CENPP: variants seen among roughly 807,000 people sequenced by gnomAD.
The protein encoded by CENPP is centromere protein P.
CENPP carries 24 observed loss-of-function variants against 35.6 expected under a neutral mutation model. The ratio of observed to expected loss-of-function variants is 0.67; its 90% CI spans 0.49 to 0.95. The LOEUF is 0.95. Ranked by LOEUF, CENPP falls within the 40% of genes least tolerant of loss-of-function variation. The pLI, the probability that CENPP is intolerant of heterozygous loss-of-function variation, is 0.00. For missense variants in CENPP, 332 were observed against 345.3 expected, an observed-to-expected ratio of 0.96 and a Z score of 0.31; for synonymous variants, 120 against 125.5, an observed-to-expected ratio of 0.96 and a Z score of 0.29.
At chr9:92,464,662 G>T (rs967937565) in intron 5 of CENPP, 11 of 589,364 alleles carry the variant, frequency 1.9e-5, no homozygotes, top group Non-Finnish European at 3.5e-5. Flanking sequence ...TAAATGTCAG[G>T]AAAGAGAAGG....
intron 5 of CENPP, among the ~76,000 whole-genome samples, chr9:92,514,274 C>CTTTTTTTTTTTTT (rs1044226766): frequency 1.5e-5 from 2 of 130,748 alleles, no homozygotes; most frequent in African/African-American, 5.6e-5. Context: ...GAGTCATTTA[C>CTTTTTTTTTTTTT]TTTTTTTTTT....
rs1343038782 is a variant in CENPP at position 92,567,996 on chromosome 9, C to T, written c.565-43318C>T. ...CAAAATGACAAAAGTAAATCCTTCCCTTATCAGTAATTACTTTAAATGTAA... is the reference window on the plus strand; with the variant it reads ...CAAAATGACAAAAGTAAATCCTTCCTTTATCAGTAATTACTTTAAATGTAA... On this transcript the variant is annotated intron_variant, in intron 5 of 7. Coordinates refer to ENST00000375587, the MANE Select transcript of CENPP (RefSeq NM_001012267.3). 3.3e-5 allele frequency among the ~76,000 whole-genome samples: 5 copies of T among 152,030 alleles called. No homozygotes were observed. The East Asian group carries it at 9.6e-4, about 29-fold the overall frequency.
intron 4 of CENPP, among the ~76,000 whole-genome samples, chr9:92,362,840 A>G (rs944295454): frequency 6.6e-6 from 1 of 152,222 alleles, no homozygotes; most frequent in Non-Finnish European, 1.5e-5. Context: ...CTATGTATGT[A>G]TATGTATCCA....
chr9:92,398,279 T>C (rs906689173), intron 5 of CENPP, among the ~76,000 whole-genome samples: 1 of 152,240 alleles, frequency 6.6e-6, no homozygotes, highest in Non-Finnish European at 1.5e-5. Flanking sequence ...TTTATGTTTG[T>C]ATTCCAATTT....
At chr9:92,588,505 A>G (rs72754480) in intron 5 of CENPP, among the ~76,000 whole-genome samples, 7,870 of 151,840 alleles carry the variant, frequency 0.052, 238 homozygotes, top group South Asian at 0.1. Context: ...CGCCCACCTC[A>G]GCCTCCCAAA....
At chr9:92,533,264 C>G (rs1165265553) in intron 5 of CENPP, among the ~76,000 whole-genome samples, 3 of 137,502 alleles carry the variant, frequency 2.2e-5, no homozygotes, top group African/African-American at 8.3e-5. Flanking sequence ...CACACCACTG[C>G]ACCCCAGCCT....
At position 92,614,664 on chromosome 9, in the gene CENPP, T is replaced by G. The variant is rs1851375716; in HGVS notation, c.*1515T>G. 1 of 152,656 alleles carries G rather than the reference T, an allele frequency of 6.6e-6. No homozygotes were observed. The highest frequency in any genetic ancestry group is 2.4e-5 in the African/African-American group (1 of 41,474). The allele number at this position is 152,656 out of a possible 1,614,324, so 9.5% of individuals were successfully genotyped here. On this transcript the variant is annotated 3_prime_UTR_variant, in exon 8 of 8. Transcript: ENST00000375587. Reference sequence around the variant, plus strand: ...TTTCTCATGTATCATTTTCATATAATTCCATGGTTTCACTAATATTATATG... The same window carrying G: ...TTTCTCATGTATCATTTTCATATAAGTCCATGGTTTCACTAATATTATATG...
chr9:92,466,310 G>T, intron 5 of CENPP: 1 of 1,224,266 alleles, frequency 8.2e-7, no homozygotes, highest in Middle Eastern at 2.6e-4. Flanking sequence ...TTCTACATCT[G>T]CTTGTTTGTT....
chr9:92,482,355 A>G (rs1845941484), intron 5 of CENPP: 1 of 152,198 alleles, frequency 6.6e-6, no homozygotes, highest in Non-Finnish European at 1.5e-5. Context: ...CTTATCTATA[A>G]TGTAAATGTT....
chr9:92,529,571 G>C (rs1848622497), intron 5 of CENPP, among the ~76,000 whole-genome samples: 1 of 151,836 alleles, frequency 6.6e-6, no homozygotes, highest in Non-Finnish European at 1.5e-5. Flanking sequence ...TTCTTCAATA[G>C]GTGAATGGAA....
chr9:92,415,436 G>A (rs375148613), intron 5 of CENPP: 2 of 1,612,646 alleles, frequency 1.2e-6, no homozygotes, highest in Non-Finnish European at 1.7e-6. Flanking sequence ...TGGTGGTAAT[G>A]TAGTGGGTCA....
intron 5 of CENPP, among the ~76,000 whole-genome samples, chr9:92,569,743 C>CT (rs1285626162): frequency 3.3e-5 from 5 of 151,992 alleles, no homozygotes; most frequent in Non-Finnish European, 7.4e-5. Flanking sequence ...GTTTGTGTCC[C>CT]TTTTTATTTC....
chr9:92,573,538 T>C (rs1353901847), intron 5 of CENPP, among the ~76,000 whole-genome samples: 2 of 152,228 alleles, frequency 1.3e-5, no homozygotes, highest in Non-Finnish European at 2.9e-5. Context: ...GTTAGGCTAC[T>C]CGGGGGTCAG....
At chr9:92,461,580 T>G (rs1392036617) in intron 5 of CENPP, among the ~76,000 whole-genome samples, 1 of 152,176 alleles carries the variant, frequency 6.6e-6, no homozygotes, top group Non-Finnish European at 1.5e-5. Context: ...CAGGATCCTT[T>G]AACTTCTTCC....
intron 5 of CENPP, among the ~76,000 whole-genome samples, chr9:92,457,962 T>C (rs923207907): frequency 6.6e-6 from 1 of 152,226 alleles, no homozygotes; most frequent in African/African-American, 2.4e-5. Flanking sequence ...TTTAATGCTC[T>C]AAGAATTAGG....
intron 5 of CENPP, among the ~76,000 whole-genome samples, chr9:92,432,425 T>A (rs1844135054): frequency 6.6e-6 from 1 of 152,232 alleles, no homozygotes; most frequent in Non-Finnish European, 1.5e-5. Context: ...AAATCTTTAG[T>A]ATCTAGACAG....
chr9:92,405,878 A>G (rs1035391355), intron 5 of CENPP, among the ~76,000 whole-genome samples: 3 of 152,242 alleles, frequency 2.0e-5, no homozygotes, highest in Non-Finnish European at 4.4e-5. Flanking sequence ...TTGAGCGCCA[A>G]TTCTGTGCCA....
Position 92,619,658 on chromosome 9 carries a change from C to T in CENPP, c.*6509C>T. The T allele has an allele frequency of 8.9e-7, 1 of 1,122,214 alleles. No homozygotes were observed. Among genetic ancestry groups the T allele is most frequent in the Non-Finnish European group, 1.3e-6 (1 of 764,020 alleles). 69.5% of individuals were successfully genotyped at this position (1,122,214 alleles called of 1,614,324 possible). ...TCCCAGTAGCCAAGTGTGGGAACTG[C>T]TTCCTGCCTCAGAACCTGAGGGTGG... On this transcript the variant is annotated 3_prime_UTR_variant, in exon 8 of 8. Transcript: ENST00000375587.
chr9:92,376,413 C>A (rs2130861918), intron 4 of CENPP, among the ~76,000 whole-genome samples: 1 of 152,278 alleles, frequency 6.6e-6, no homozygotes, highest in South Asian at 2.1e-4. Flanking sequence ...CATTGTCCCA[C>A]AGCCACGGAA....
Sources: allele counts gnomAD v4.1 joint callset (sites outside exome capture counted in the v4.1 genomes callset), GRCh38; gene constraint gnomAD v4.1.1; transcripts MANE v1.5; gene names NCBI Gene and HGNC (gene_info 2026-07-23, HGNC 2026-07-21).